The following GRHL2 variants were observed in gnomAD, a reference collection of about 807,000 sequenced individuals.
The protein encoded by GRHL2 is grainyhead-like protein 2 homolog.
In GRHL2, 21 loss-of-function variants were observed where a neutral mutation model predicts 83.8. The observed-to-expected ratio is 0.25, with a 90% CI of 0.18 to 0.36. The LOEUF is 0.36. GRHL2 is among the 10% of genes least tolerant of loss of function. The probability of loss-of-function intolerance (pLI) is 1.00; values close to 1 mark genes in which losing one functional copy is unlikely to be tolerated. For missense variants in GRHL2, 623 were observed against 781.8 expected (o/e 0.80, Z 2.42); for synonymous variants, 280 against 278.9 (o/e 1.00, Z -0.04).
chr8:101,656,868 T>TG (rs1563629875), intron 14 of GRHL2, among the ~76,000 whole-genome samples: 12 of 67,656 alleles, frequency 1.8e-4, no homozygotes, highest in South Asian at 6.9e-4. Context: ...TTTATGTGTC[T>TG]AACAGACACA....
chr8:101,561,528 C>T (rs1024181167), intron 4 of GRHL2, among the ~76,000 whole-genome samples: 2 of 152,168 alleles, frequency 1.3e-5, no homozygotes, highest in Admixed American at 6.5e-5. Flanking sequence ...TTCTAAGATG[C>T]AAATAAACCA....
intron 7 of GRHL2, among the ~76,000 whole-genome samples, chr8:101,585,067 T>C (rs1033170760): frequency 2.1e-4 from 32 of 152,074 alleles, no homozygotes; most frequent in Admixed American, 1.1e-3. Context: ...AGCCAGGTGG[T>C]CAGGTAGCCA....
chr8:101,639,843 G>A (rs1586163578), intron 12 of GRHL2, among the ~76,000 whole-genome samples: 1 of 152,236 alleles, frequency 6.6e-6, no homozygotes, highest in Non-Finnish European at 1.5e-5. Context: ...CATTGGCCAC[G>A]TTCTTTCCTC....
chr8:101,550,921 T>A (rs1282733062), intron 2 of GRHL2, among the ~76,000 whole-genome samples: 1 of 152,236 alleles, frequency 6.6e-6, no homozygotes, highest in Non-Finnish European at 1.5e-5. Flanking sequence ...CTCCATTTTA[T>A]AGCATGCACC....
In GRHL2 at chr8:101,506,987, G is replaced by C. The variant is rs147275223; in HGVS notation, c.20+14198G>C. On this transcript the variant is annotated intron_variant, in intron 1 of 15. Transcript: ENST00000646743. ...TATGTTCTGGAGGAGAGGGAACTTG[G>C]CTGAGGGGGACTTTGGGGCTGAGAT... Among the ~76,000 whole-genome samples, 370 of 152,248 alleles carry C rather than the reference G, an allele frequency of 2.4e-3. 4 individuals are homozygous for C. The highest frequency in any genetic ancestry group is 8.4e-3 in the African/African-American group (351 of 41,542).
chr8:101,496,903 C>G (rs750890362), intron 1 of GRHL2, among the ~76,000 whole-genome samples: 1 of 152,052 alleles, frequency 6.6e-6, no homozygotes, highest in African/African-American at 2.4e-5. Context: ...GTGGGTGAAT[C>G]AGAGTCAGAG....
chr8:101,515,643 G>A (rs184557762), intron 1 of GRHL2, among the ~76,000 whole-genome samples: 3 of 152,238 alleles, frequency 2.0e-5, no homozygotes, highest in East Asian at 3.9e-4. Flanking sequence ...GAGGTTGGAT[G>A]GGGGGTGATT....
At chr8:101,556,391 C>G (rs895465597) in intron 3 of GRHL2, among the ~76,000 whole-genome samples, 36 of 152,300 alleles carry the variant, frequency 2.4e-4, no homozygotes, top group Admixed American at 2.2e-3. Context: ...TGTATTTTCT[C>G]TCCACATTAC....
intron 1 of GRHL2, among the ~76,000 whole-genome samples, chr8:101,519,608 T>G (rs1810642778): frequency 6.6e-6 from 1 of 151,420 alleles, no homozygotes; most frequent in Non-Finnish European, 1.5e-5. Context: ...AAAAAACAAT[T>G]GTCTGGAATT....
chr8:101,506,531 C>T (rs1437694268), intron 1 of GRHL2, among the ~76,000 whole-genome samples: 1 of 152,136 alleles, frequency 6.6e-6, no homozygotes, highest in Non-Finnish European at 1.5e-5. Context: ...CTTAAGTATT[C>T]TCGTACATAG....
At chr8:101,530,657 A>G (rs1810904739) in intron 1 of GRHL2, among the ~76,000 whole-genome samples, 1 of 152,226 alleles carries the variant, frequency 6.6e-6, no homozygotes, top group Non-Finnish European at 1.5e-5. Context: ...TTCATTCAAT[A>G]AATATGTGTT....
chr8:101,619,921 T>G (rs571095538), intron 9 of GRHL2, among the ~76,000 whole-genome samples: 1 of 150,634 alleles, frequency 6.6e-6, no homozygotes. Context: ...TTTTTATCAC[T>G]AATTTAATGA....
intron 1 of GRHL2, among the ~76,000 whole-genome samples, chr8:101,508,265 T>G (rs1157080376): frequency 1.3e-5 from 2 of 152,194 alleles, no homozygotes; most frequent in Non-Finnish European, 2.9e-5. Context: ...ATGGTGTATC[T>G]GAGAGTAGAA....
At chr8:101,653,742 AAAAAACAAAAAC>A (rs1260207236) in intron 14 of GRHL2, among the ~76,000 whole-genome samples, 2 of 123,036 alleles carry the variant, frequency 1.6e-5, no homozygotes, top group Non-Finnish European at 3.2e-5. Context: ...TGTCTCAAAA[AAAAAACAAAAAC>A]AAAAACAAAG....
At chr8:101,543,782 T>C (rs1168357076) in intron 2 of GRHL2, 4 of 318,058 alleles carry the variant, frequency 1.3e-5, no homozygotes, top group South Asian at 8.6e-5. Flanking sequence ...GTATATTACA[T>C]TGAGTGGCTT....
At chr8:101,636,648 C>T (rs1236464109) in intron 11 of GRHL2, 3 of 529,778 alleles carry the variant, frequency 5.7e-6, no homozygotes, top group East Asian at 3.1e-5. Flanking sequence ...ATCAGATTTC[C>T]AATTTTATTT....
intron 3 of GRHL2, among the ~76,000 whole-genome samples, chr8:101,554,230 C>T (rs893063165): frequency 2.0e-5 from 3 of 152,188 alleles, no homozygotes. Context: ...CATTAGGGAT[C>T]TCCTGAAGCT....
chr8:101,586,217 C>A (rs1173448130), intron 7 of GRHL2, among the ~76,000 whole-genome samples: 1 of 152,010 alleles, frequency 6.6e-6, no homozygotes, highest in African/African-American at 2.4e-5. Flanking sequence ...GTAGCTGGGA[C>A]TACAGGCACC....
At chr8:101,543,561 A>G (rs765348870) in intron 2 of GRHL2, 125 bp downstream of exon 2, 8 of 872,278 alleles carry the variant, frequency 9.2e-6, no homozygotes, top group Admixed American at 7.9e-5. Context: ...TCAATATAGA[A>G]TTCAGCCTCT....
Sources: allele counts gnomAD v4.1 joint callset (sites outside exome capture counted in the v4.1 genomes callset), GRCh38; gene constraint gnomAD v4.1.1; transcripts MANE v1.5; gene names NCBI Gene and HGNC (gene_info 2026-07-23, HGNC 2026-07-21).